UGT2B11: variants seen among roughly 807,000 people sequenced by gnomAD.
The protein encoded by UGT2B11 is UDP-glucuronosyltransferase 2B11.
A neutral mutation model predicts 51.7 loss-of-function variants in UGT2B11; 49 were observed. That is an observed-to-expected ratio of 0.95 (90% confidence interval 0.75 to 1.20). The LOEUF (loss-of-function observed/expected upper bound fraction) is 1.20. Among genes scored for constraint, UGT2B11 ranks in the 50% most tolerant of loss-of-function variants. The pLI is 0.00. For synonymous variants in UGT2B11, 273 were observed against 209.0 expected (o/e 1.31, Z -2.64); for missense variants, 810 against 622.1 (o/e 1.30, Z -3.21).
At chr4:69,212,923 G>A (rs903937834) in intron 1 of UGT2B11, among the ~76,000 whole-genome samples, 13 of 150,994 alleles carry the variant, frequency 8.6e-5, no homozygotes, top group Non-Finnish European at 1.3e-4. Context: ...AAAGTGGTGG[G>A]AGAATTATGA....
At chr4:69,201,988 A>G (rs1054556648) in intron 5 of UGT2B11, among the ~76,000 whole-genome samples, 2 of 151,752 alleles carry the variant, frequency 1.3e-5, no homozygotes, top group African/African-American at 4.8e-5. Flanking sequence ...TTTAGTGACT[A>G]CTTTTGTCCT....
upstream of UGT2B11, among the ~76,000 whole-genome samples, chr4:69,217,731 T>C (rs371251276): frequency 9.4e-4 from 143 of 152,178 alleles, 5 homozygotes; most frequent in South Asian, 0.029. Flanking sequence ...ATGAAACCTA[T>C]GCTGAGACTG....
intron 5 of UGT2B11, 49 bp downstream of exon 5, chr4:69,204,381 G>T: frequency 6.2e-7 from 1 of 1,606,202 alleles, no homozygotes; most frequent in South Asian, 1.1e-5. Context: ...CTATTGACAA[G>T]AGAAGCTGTC....
At chr4:69,204,872 T>G (rs1056166645) in intron 4 of UGT2B11, among the ~76,000 whole-genome samples, 3 of 151,724 alleles carry the variant, frequency 2.0e-5, no homozygotes, top group African/African-American at 4.8e-5. Flanking sequence ...GATTTTCAGT[T>G]GGACTAATGA....
rs190615328 is a variant in UGT2B11, at chr4:69,203,381, T to C, written c.1310+1049A>G. Among the ~76,000 whole-genome samples the C allele has an allele frequency of 1.3e-4, 19 of 151,836 alleles. No individual in the cohort carries two copies. In the East Asian group the frequency reaches 3.3e-3, roughly 27 times the overall value. On this transcript the variant is annotated intron_variant, in intron 5 of 5. Coordinates refer to ENST00000446444, the MANE Select transcript of UGT2B11 (RefSeq NM_001073.3). ...GAGGTCTGGCAACAATGTGGAGGAATTGGAACCATGTTGTACTGCTGATGG... is the reference window on the plus strand; with the variant it reads ...GAGGTCTGGCAACAATGTGGAGGAACTGGAACCATGTTGTACTGCTGATGG...
intron 2 of UGT2B11, among the ~76,000 whole-genome samples, chr4:69,210,892 A>T (rs1722035384): frequency 6.6e-6 from 1 of 151,654 alleles, no homozygotes; most frequent in African/African-American, 2.4e-5. Context: ...TTAAAATGTG[A>T]TATTAATTTA....
intron 2 of UGT2B11, 80 bp from the exon 3 acceptor site, chr4:69,208,562 A>C (rs1577963348): frequency 8.4e-6 from 13 of 1,554,982 alleles, no homozygotes; most frequent in South Asian, 1.2e-5. Flanking sequence ...CAAATATTAA[A>C]GAGAGAAAAT....
chr4:69,212,840 A>G, intron 1 of UGT2B11, 119 bp from the exon 2 acceptor site: 11 of 857,166 alleles, frequency 1.3e-5, no homozygotes, highest in Non-Finnish European at 1.7e-5. Context: ...TGCTTTGAAA[A>G]ATATATAAAT....
chr4:69,207,828 G>A (rs546010615), intron 3 of UGT2B11, among the ~76,000 whole-genome samples: 1 of 151,612 alleles, frequency 6.6e-6, no homozygotes, highest in Non-Finnish European at 1.5e-5. Flanking sequence ...AAGAGTAAGT[G>A]AAATCTTCTT....
At chr4:69,206,019 G>T (rs905891497) in intron 3 of UGT2B11, among the ~76,000 whole-genome samples, 1 of 151,608 alleles carries the variant, frequency 6.6e-6, no homozygotes, top group Admixed American at 6.6e-5. Context: ...CTTATACTCT[G>T]TTGGTTGGAA....
chr4:69,208,101 A>C (rs1721924211), intron 3 of UGT2B11, among the ~76,000 whole-genome samples: 1 of 151,566 alleles, frequency 6.6e-6, no homozygotes, highest in Non-Finnish European at 1.5e-5. Flanking sequence ...CCTACGGAGT[A>C]CTGAGTTCCC....
the UGT2B11 span, among the ~76,000 whole-genome samples, chr4:69,220,802 TAAG>T: frequency 2.6e-4 from 39 of 152,128 alleles, no homozygotes; most frequent in Admixed American, 1.0e-3. Flanking sequence ...ATTCTTCTCC[TAAG>T]AAGAGGCAGG....
chr4:69,224,978 C>G, the UGT2B11 span, among the ~76,000 whole-genome samples: 2 of 152,166 alleles, frequency 1.3e-5, no homozygotes, highest in East Asian at 1.9e-4. Context: ...TAAGTTTTAT[C>G]TACTTTATAA....
the UGT2B11 span, among the ~76,000 whole-genome samples, chr4:69,223,698 A>T: frequency 1.2e-4 from 19 of 152,230 alleles, no homozygotes; most frequent in South Asian, 1.2e-3. Context: ...GGGGTGGTGG[A>T]TGTTCTCTAG....
At chr4:69,214,942 T>C (rs1435775432), upstream of UGT2B11, 1 of 702,744 alleles carries the variant, frequency 1.4e-6, no homozygotes, top group Non-Finnish European at 2.2e-6. Context: ...TTCACTGTCA[T>C]CCACCTAAGA....
At chr4:69,224,156 A>C in the UGT2B11 span, among the ~76,000 whole-genome samples, 1 of 152,200 alleles carries the variant, frequency 6.6e-6, no homozygotes, top group Non-Finnish European at 1.5e-5. Flanking sequence ...TTTTAAATAG[A>C]GAATCTTCAT....
At chr4:69,221,072 T>C in the UGT2B11 span, among the ~76,000 whole-genome samples, 1 of 152,082 alleles carries the variant, frequency 6.6e-6, no homozygotes, top group Non-Finnish European at 1.5e-5. Flanking sequence ...AAGATTGGGG[T>C]ATAAGGAGAC....
At chr4:69,212,851 A>C in intron 1 of UGT2B11, 130 bp from the exon 2 acceptor site, 1 of 803,256 alleles carries the variant, frequency 1.2e-6, no homozygotes, top group Non-Finnish European at 1.6e-6. Flanking sequence ...ATATATAAAT[A>C]TATATGAATA....
the UGT2B11 span, among the ~76,000 whole-genome samples, chr4:69,223,847 G>C: frequency 1.3e-5 from 2 of 152,086 alleles, no homozygotes; most frequent in Non-Finnish European, 2.9e-5. Context: ...ACCAACTATT[G>C]AATGGTTCAA....
Sources: gnomAD v4.1 joint callset for allele counts (sites outside exome capture counted in the v4.1 genomes callset) on GRCh38, gnomAD v4.1.1 for gene constraint, MANE v1.5 for transcripts, NCBI Gene and HGNC (gene_info 2026-07-23, HGNC 2026-07-21) for gene names.